Variants in SDHAF3 observed in about 807,000 individuals in gnomAD.
SDHAF3 encodes the protein succinate dehydrogenase complex assembly factor 3.
Under a neutral mutation model 11.5 loss-of-function variants are expected in SDHAF3, and 18 were observed. That is an observed-to-expected ratio of 1.56 (90% CI 1.08 to 2.32). SDHAF3 has a LOEUF of 2.32. Ranked by LOEUF, SDHAF3 falls within the 30% of genes most tolerant of loss-of-function variation. SDHAF3 has a pLI of 0.00. For synonymous variants in SDHAF3, 72 were observed against 59.3 expected (o/e 1.21, Z -0.99); for missense variants, 200 against 154.4 (o/e 1.30, Z -1.57).
chr7:97,169,218 T>A (rs1789564649), intron 1 of SDHAF3, among the ~76,000 whole-genome samples: 1 of 151,946 alleles, frequency 6.6e-6, no homozygotes, highest in Non-Finnish European at 1.5e-5. Context: ...CCCAGGTACT[T>A]GGGAGGCTGA....
At chr7:97,136,087 A>G (rs964438682) in intron 1 of SDHAF3, among the ~76,000 whole-genome samples, 3 of 132,942 alleles carry the variant, frequency 2.3e-5, no homozygotes, top group Admixed American at 7.6e-5. Context: ...ATGCATTTCT[A>G]TGCCATTTTC....
At chr7:97,158,224 A>G (rs1355330822) in intron 1 of SDHAF3, among the ~76,000 whole-genome samples, 5 of 152,158 alleles carry the variant, frequency 3.3e-5, no homozygotes, top group Non-Finnish European at 7.4e-5. Context: ...GCTAACAGTT[A>G]CATTTCCACG....
chr7:97,118,025 G>C, intron 1 of SDHAF3, 128 bp downstream of exon 1: 2 of 1,148,098 alleles, frequency 1.7e-6, no homozygotes, highest in Non-Finnish European at 2.4e-6. Flanking sequence ...GCGTAATGCT[G>C]TTCAGGTAAC....
At chr7:97,121,773 G>A (rs1584205913) in intron 1 of SDHAF3, among the ~76,000 whole-genome samples, 1 of 151,392 alleles carries the variant, frequency 6.6e-6, no homozygotes, top group East Asian at 1.9e-4. Context: ...ATCAAAAAGA[G>A]AACCTTCTAG....
At chr7:97,180,088 G>A (rs1041401110) in intron 1 of SDHAF3, among the ~76,000 whole-genome samples, 1 of 152,204 alleles carries the variant, frequency 6.6e-6, no homozygotes, top group African/African-American at 2.4e-5. Context: ...GATGGGGATA[G>A]TTGGAATATT....
At chr7:97,140,542 AG>A (rs2115663660) in intron 1 of SDHAF3, among the ~76,000 whole-genome samples, 1 of 152,248 alleles carries the variant, frequency 6.6e-6, no homozygotes, top group African/African-American at 2.4e-5. Flanking sequence ...CCATATCAGA[AG>A]AACATAAATC....
chr7:97,121,143 C>A lies in SDHAF3; in HGVS notation c.174+3246C>A, dbSNP rs140804517. Among the ~76,000 whole-genome samples, 309 of 152,224 alleles carry A rather than the reference C, an allele frequency of 2.0e-3. 1 individual carries two copies. Among genetic ancestry groups the A allele is most frequent in the African/African-American group, 7.2e-3 (300 of 41,554 alleles). On this transcript the variant is annotated intron_variant, in intron 1 of 1. Coordinates refer to ENST00000432641, the MANE Select transcript of SDHAF3 (RefSeq NM_020186.3). ...TGTAATCTCAACTCTTAGGAGGTAA[C>A]TATTAGAAGTGAAATTGAGACTCCA...
intron 1 of SDHAF3, among the ~76,000 whole-genome samples, chr7:97,162,282 T>A (rs1166822909): frequency 6.6e-6 from 1 of 152,172 alleles, no homozygotes; most frequent in Non-Finnish European, 1.5e-5. Flanking sequence ...GGGGTTGTTT[T>A]TTTCTTATAA....
chr7:97,155,010 C>T (rs1789280896), intron 1 of SDHAF3, among the ~76,000 whole-genome samples: 1 of 152,188 alleles, frequency 6.6e-6, no homozygotes, highest in Non-Finnish European at 1.5e-5. Flanking sequence ...TGCCTTGTTA[C>T]CTGTGGCAAT....
At chr7:97,167,152 CAT>C (rs1789519289) in intron 1 of SDHAF3, among the ~76,000 whole-genome samples, 1 of 151,812 alleles carries the variant, frequency 6.6e-6, no homozygotes, top group African/African-American at 2.4e-5. Flanking sequence ...ACCCAAATCT[CAT>C]GTCAAATTGG....
In SDHAF3 at chr7:97,175,746, A is replaced by G. The variant is rs888613863; in HGVS notation, c.175-5266A>G. 5.3e-5 allele frequency among the ~76,000 whole-genome samples: 8 copies of G among 152,314 alleles called. No homozygotes were observed. In the East Asian group the frequency reaches 9.6e-4, roughly 18 times the overall value. ...GTACTACAGCTTCTCTGCCTTTTCA[A>G]AAACTCTAGTGGGAAACAGTATAGC... On this transcript the variant is annotated intron_variant, in intron 1 of 1. Transcript: ENST00000432641.
intron 1 of SDHAF3, among the ~76,000 whole-genome samples, chr7:97,171,436 A>C (rs921704802): frequency 2.8e-4 from 42 of 152,112 alleles, no homozygotes; most frequent in African/African-American, 1.0e-3. Context: ...GGAATTTATA[A>C]TTTTTGTAAT....
At position 97,126,479 on chromosome 7, in the gene SDHAF3, T is replaced by A. The variant is rs538412421; in HGVS notation, c.174+8582T>A. On this transcript the variant is annotated intron_variant, in intron 1 of 1. Coordinates refer to ENST00000432641, the MANE Select transcript of SDHAF3 (RefSeq NM_020186.3). ...GGGAGTTTTATCTGTAAGCCCCTGA[T>A]TGGGGCTGCTGCCTTTGTTTCAGAG... Among the ~76,000 whole-genome samples, 5 of 152,272 alleles carry A rather than the reference T, an allele frequency of 3.3e-5. No individual in the cohort carries two copies. The South Asian group carries it at 1.0e-3, about 32-fold the overall frequency.
rs1039377014 is a variant in SDHAF3, at chr7:97,136,413, G to A, written c.174+18516G>A. Reference sequence around the variant, plus strand: ...GGTATGTCCAGAAATCTTGATGCATGTATCTGAAAAGAAAATTTCTGTTTC... The same window carrying A: ...GGTATGTCCAGAAATCTTGATGCATATATCTGAAAAGAAAATTTCTGTTTC... On this transcript the variant is annotated intron_variant, in intron 1 of 1. Coordinates refer to ENST00000432641, the MANE Select transcript of SDHAF3 (RefSeq NM_020186.3). 18 of 641,228 alleles carry A rather than the reference G, an allele frequency of 2.8e-5. No individual in the cohort carries two copies. The Admixed American group carries it at 3.4e-4, about 12-fold the overall frequency. 39.7% of individuals were successfully genotyped at this position (641,228 alleles called of 1,614,324 possible). A position where few individuals can be genotyped will look rare whatever the true frequency, so the allele number is the denominator to read the frequency against.
intron 1 of SDHAF3, among the ~76,000 whole-genome samples, chr7:97,125,321 G>C (rs983982762): frequency 6.6e-6 from 1 of 152,072 alleles, no homozygotes; most frequent in Non-Finnish European, 1.5e-5. Context: ...TGACCGTAGG[G>C]TGTCAATTTT....
intron 1 of SDHAF3, among the ~76,000 whole-genome samples, chr7:97,155,476 C>T (rs1031975698): frequency 1.6e-4 from 25 of 152,290 alleles, no homozygotes; most frequent in African/African-American, 4.8e-4. Flanking sequence ...TTCCTGGAAA[C>T]CTTTTCTGCC....
In SDHAF3 at chr7:97,174,310, A is replaced by C. The variant is rs1489079561; in HGVS notation, c.175-6702A>C. Among the ~76,000 whole-genome samples, 3 of 152,258 alleles carry C rather than the reference A, an allele frequency of 2.0e-5. No homozygotes were observed. The East Asian group carries it at 5.8e-4, about 29-fold the overall frequency. On this transcript the variant is annotated intron_variant, in intron 1 of 1. Transcript: ENST00000432641. ...CTCTTTGAGTTAATTTTAGAGTTAC[A>C]GAAGAGAGTTGCAAAGATAGTACAG...
At chr7:97,159,464 C>A (rs1412488017) in intron 1 of SDHAF3, among the ~76,000 whole-genome samples, 1 of 152,204 alleles carries the variant, frequency 6.6e-6, no homozygotes, top group African/African-American at 2.4e-5. Context: ...CACTGACTAA[C>A]ATTTGCTTTA....
At chr7:97,169,193 G>T (rs1477557545) in intron 1 of SDHAF3, among the ~76,000 whole-genome samples, 2 of 152,138 alleles carry the variant, frequency 1.3e-5, no homozygotes, top group Non-Finnish European at 2.9e-5. Context: ...GGGCATGGTG[G>T]TGGGCGCCTG....
Sources: gnomAD v4.1 joint callset for allele counts (sites outside exome capture counted in the v4.1 genomes callset) on GRCh38, gnomAD v4.1.1 for gene constraint, MANE v1.5 for transcripts, NCBI Gene and HGNC (gene_info 2026-07-23, HGNC 2026-07-21) for gene names.